The following SGCZ variants were observed in gnomAD, a reference collection of about 807,000 sequenced individuals.
SGCZ encodes the protein zeta-sarcoglycan.
Under a neutral mutation model 41.3 loss-of-function variants are expected in SGCZ, and 40 were observed. The ratio of observed to expected loss-of-function variants is 0.97; its 90% CI spans 0.75 to 1.26. The LOEUF (loss-of-function observed/expected upper bound fraction) is 1.26, where lower values mean the gene tolerates loss of function less well. Ranked by LOEUF, SGCZ falls within the 50% of genes most tolerant of loss-of-function variation. The probability of loss-of-function intolerance (pLI) is 0.00; values close to 1 mark genes in which losing one functional copy is unlikely to be tolerated. For missense variants in SGCZ, 552 were observed against 369.8 expected, an observed-to-expected ratio of 1.49 and a Z score of -4.04; for synonymous variants, 206 against 137.5, an observed-to-expected ratio of 1.50 and a Z score of -3.49.
intron 1 of SGCZ, among the ~76,000 whole-genome samples, chr8:14,973,781 C>T (rs1005494532): frequency 6.6e-6 from 1 of 152,110 alleles, no homozygotes; most frequent in Admixed American, 6.6e-5. Flanking sequence ...GTAACAAGTC[C>T]TCTTTATTTG....
chr8:15,097,888 G>GTATA lies in SGCZ; in HGVS notation c.39+139693_39+139696dup, dbSNP rs377298460. On this transcript the variant is annotated intron_variant, in intron 1 of 7. Coordinates refer to ENST00000382080, the MANE Select transcript of SGCZ (RefSeq NM_139167.4). ...TGTGTATATATATATATATACGTGT[G>GTATA]TATATATATATATATATATATACGT... 1.3e-3 allele frequency among the ~76,000 whole-genome samples: 159 copies of GTATA among 120,654 alleles called. 5 individuals carry two copies. The highest frequency in any genetic ancestry group is 5.3e-3 in the African/African-American group (153 of 28,840). The allele number at this position is 120,654 out of a possible 152,430, so 79.2% of individuals were successfully genotyped here.
chr8:14,563,880 AT>A (rs1309970106), intron 1 of SGCZ, among the ~76,000 whole-genome samples: 1 of 152,180 alleles, frequency 6.6e-6, no homozygotes, highest in African/African-American at 2.4e-5. Context: ...AATTGATATA[AT>A]TTTTTAAAAA....
chr8:14,486,764 T>G (rs2117017782), intron 2 of SGCZ, among the ~76,000 whole-genome samples: 1 of 152,242 alleles, frequency 6.6e-6, no homozygotes, highest in East Asian at 1.9e-4. Context: ...CAAGCCATTC[T>G]CCAACCTCAG....
At chr8:14,175,793 C>G (rs1804524463) in intron 4 of SGCZ, among the ~76,000 whole-genome samples, 1 of 152,018 alleles carries the variant, frequency 6.6e-6, no homozygotes, top group African/African-American at 2.4e-5. Flanking sequence ...TATAATCTAG[C>G]TGGATATAAA....
At chr8:15,204,975 A>G (rs1801014303) in intron 1 of SGCZ, among the ~76,000 whole-genome samples, 1 of 152,194 alleles carries the variant, frequency 6.6e-6, no homozygotes, top group Non-Finnish European at 1.5e-5. Flanking sequence ...TATTCTAATT[A>G]GGTGATGAGA....
intron 2 of SGCZ, among the ~76,000 whole-genome samples, chr8:14,349,211 T>G (rs1803002261): frequency 6.6e-6 from 1 of 152,164 alleles, no homozygotes; most frequent in Admixed American, 6.6e-5. Context: ...TAATTCGCAT[T>G]ACCAAAATCG....
intron 2 of SGCZ, among the ~76,000 whole-genome samples, chr8:14,398,975 T>G (rs2117239884): frequency 6.6e-6 from 1 of 152,258 alleles, no homozygotes; most frequent in African/African-American, 2.4e-5. Context: ...GTGTAAATGT[T>G]CCTTGAAATA....
At chr8:15,111,439 CAATTCA>C (rs1349718554) in intron 1 of SGCZ, among the ~76,000 whole-genome samples, 3 of 152,158 alleles carry the variant, frequency 2.0e-5, no homozygotes, top group Non-Finnish European at 4.4e-5. Context: ...GGCCAAGGAC[CAATTCA>C]CTTGAGCCTC....
chr8:14,820,520 A>G (rs78327615), intron 1 of SGCZ, among the ~76,000 whole-genome samples: 4,749 of 152,180 alleles, frequency 0.031, 177 homozygotes, highest in African/African-American at 0.089. Flanking sequence ...ACAGCTTTCC[A>G]TCCAACAGCT....
chr8:14,414,102 C>G (rs1231469710), intron 2 of SGCZ, among the ~76,000 whole-genome samples: 1 of 151,864 alleles, frequency 6.6e-6, no homozygotes, highest in African/African-American at 2.4e-5. Context: ...GCAGTCTTAG[C>G]TATATAATGT....
At chr8:15,093,999 A>G (rs28725266) in intron 1 of SGCZ, among the ~76,000 whole-genome samples, 6,650 of 152,284 alleles carry the variant, frequency 0.044, 458 homozygotes, top group African/African-American at 0.15. Context: ...AATACCTGCT[A>G]GTGGGGGAAA....
At chr8:14,262,289 T>C (rs1799701657) in intron 3 of SGCZ, among the ~76,000 whole-genome samples, 1 of 152,198 alleles carries the variant, frequency 6.6e-6, no homozygotes, top group African/African-American at 2.4e-5. Flanking sequence ...ATAGGTAAAC[T>C]GTTCTTTGCT....
intron 7 of SGCZ, among the ~76,000 whole-genome samples, chr8:14,098,930 ATCC>A (rs1242612044): frequency 6.6e-6 from 1 of 152,070 alleles, no homozygotes; most frequent in Non-Finnish European, 1.5e-5. Flanking sequence ...TGGTTCTCCC[ATCC>A]ATTTAGGGGC....
At chr8:15,101,514 T>C (rs998418340) in intron 1 of SGCZ, among the ~76,000 whole-genome samples, 5 of 151,984 alleles carry the variant, frequency 3.3e-5, no homozygotes, top group Admixed American at 3.3e-4. Flanking sequence ...CACTAGGAAA[T>C]TGCAAATTAA....
chr8:14,698,269 C>A (rs1394315819), intron 1 of SGCZ, among the ~76,000 whole-genome samples: 1 of 151,732 alleles, frequency 6.6e-6, no homozygotes, highest in Non-Finnish European at 1.5e-5. Context: ...CAAACTACAC[C>A]ATAATTCTTA....
intron 4 of SGCZ, among the ~76,000 whole-genome samples, chr8:14,215,455 G>C (rs1390734216): frequency 6.6e-6 from 1 of 151,488 alleles, no homozygotes; most frequent in Non-Finnish European, 1.5e-5. Flanking sequence ...CTTACTTCTA[G>C]GAAGTAGGAA....
chr8:14,195,501 AATG>A (rs1322841141), intron 4 of SGCZ, among the ~76,000 whole-genome samples: 3 of 152,082 alleles, frequency 2.0e-5, no homozygotes, highest in African/African-American at 7.2e-5. Context: ...TAATTGGAGA[AATG>A]ATGGGATAAA....
At chr8:15,022,710 C>T (rs1464605860) in intron 1 of SGCZ, among the ~76,000 whole-genome samples, 1 of 152,080 alleles carries the variant, frequency 6.6e-6, no homozygotes, top group Non-Finnish European at 1.5e-5. Flanking sequence ...GCTAGCAATG[C>T]AATTCTATAG....
intron 2 of SGCZ, among the ~76,000 whole-genome samples, chr8:14,509,923 A>G (rs1802420469): frequency 6.6e-6 from 1 of 151,942 alleles, no homozygotes; most frequent in African/African-American, 2.4e-5. Flanking sequence ...GCATGGGGGG[A>G]CACGTCCCCC....
Sources: allele counts gnomAD v4.1 joint callset (sites outside exome capture counted in the v4.1 genomes callset), GRCh38; gene constraint gnomAD v4.1.1; transcripts MANE v1.5; gene names NCBI Gene and HGNC (gene_info 2026-07-23, HGNC 2026-07-21).